The following ZNF133 variants were observed in gnomAD, a reference collection of about 807,000 sequenced individuals.
ZNF133 encodes the protein zinc finger protein 133.
A neutral mutation model predicts 54.9 loss-of-function variants in ZNF133; 26 were observed. That is an observed-to-expected ratio of 0.47 (90% CI 0.35 to 0.66). ZNF133 has a LOEUF of 0.66. ZNF133 is among the 30% of genes least tolerant of loss of function. The pLI is 0.01. For synonymous variants in ZNF133, 298 were observed against 320.3 expected (o/e 0.93, Z 0.74); for missense variants, 653 against 820.8 (o/e 0.80, Z 2.50).
At chr20:18,313,080 A>G (rs909422768) in intron 6 of ZNF133, 6 of 152,166 alleles carry the variant, frequency 3.9e-5, no homozygotes, top group Non-Finnish European at 5.9e-5. Context: ...ATTAGTCTCT[A>G]TAAACCTATC....
At chr20:18,289,250 C>A (rs1221562779) in intron 1 of ZNF133, among the ~76,000 whole-genome samples, 1 of 152,110 alleles carries the variant, frequency 6.6e-6, no homozygotes, top group Non-Finnish European at 1.5e-5. Context: ...CTGGCTGGGA[C>A]GCACAGGACA....
chr20:18,293,756 A>G (rs966672674), intron 1 of ZNF133, among the ~76,000 whole-genome samples: 1 of 152,222 alleles, frequency 6.6e-6, no homozygotes, highest in Admixed American at 6.5e-5. Flanking sequence ...AAAGGGGGAA[A>G]AAGCTGGAAT....
chr20:18,297,484 A>T (rs2042463683), intron 1 of ZNF133, among the ~76,000 whole-genome samples: 1 of 151,758 alleles, frequency 6.6e-6, no homozygotes, highest in Non-Finnish European at 1.5e-5. Flanking sequence ...TATTTAATGT[A>T]GCTTAATGTT....
chr20:18,295,817 A>C (rs1449897914), intron 1 of ZNF133, among the ~76,000 whole-genome samples: 3 of 152,060 alleles, frequency 2.0e-5, no homozygotes, highest in Non-Finnish European at 4.4e-5. Context: ...TGTATGCACC[A>C]AATCTGGCTA....
intron 6 of ZNF133, among the ~76,000 whole-genome samples, chr20:18,308,750 T>C (rs1188688189): frequency 6.6e-6 from 1 of 152,178 alleles, no homozygotes; most frequent in African/African-American, 2.4e-5. Context: ...TCAAACCAAG[T>C]GGTGTTAACT....
chr20:18,310,274 A>G (rs1850239065), intron 6 of ZNF133: 2 of 1,533,310 alleles, frequency 1.3e-6, no homozygotes, highest in African/African-American at 1.4e-5. Flanking sequence ...GGAAACCCAA[A>G]ATATATGTGT....
chr20:18,296,301 A>G (rs1167334746), intron 1 of ZNF133, among the ~76,000 whole-genome samples: 6 of 152,140 alleles, frequency 3.9e-5, no homozygotes, highest in Admixed American at 6.5e-5. Context: ...GGTGGTAAAT[A>G]TGCATAACAT....
chr20:18,306,234 T>C, intron 5 of ZNF133, 64 bp from the exon 6 acceptor site: 1 of 1,501,908 alleles, frequency 6.7e-7, no homozygotes, highest in Non-Finnish European at 9.1e-7. Flanking sequence ...CTGTTTAGCT[T>C]TGAATTCTTG....
At chr20:18,295,779 C>T (rs1462945113) in intron 1 of ZNF133, among the ~76,000 whole-genome samples, 1 of 152,156 alleles carries the variant, frequency 6.6e-6, no homozygotes, top group Non-Finnish European at 1.5e-5. Context: ...TCCTCAGCCT[C>T]CTGAGTAGCT....
rs1332744771 is a variant in ZNF133 at position 18,316,776 on chromosome 20, C to T, written c.1925C>T (p.Pro642Leu). 1.2e-6 allele frequency: 2 copies of T among 1,613,848 alleles called. No homozygotes were observed. Among genetic ancestry groups the T allele is most frequent in the African/African-American group, 1.3e-5 (1 of 75,054 alleles). ...CTGCCAGTGCAGCCCGACCCTGAGC[C>T]GTGTGCAGGGCAACCTTCGGATTCC... Reference protein sequence around the residue: ...HRLPVQPDPEPCAGQPSDSLY... With the variant: ...HRLPVQPDPELCAGQPSDSLY... The change falls in exon 7 of 7, where the codon CCG becomes CTG. Residue 642 changes from proline to leucine, a missense_variant. This residue lies in a region of ZNF133 where 129 missense variants were observed against 138.5 expected (regional missense o/e 0.93). Coordinates refer to ENST00000425686, the MANE Select transcript of ZNF133 (RefSeq NM_001352452.2).
intron 1 of ZNF133, among the ~76,000 whole-genome samples, chr20:18,291,766 GCAGT>G (rs1464711284): frequency 6.6e-6 from 1 of 150,808 alleles, no homozygotes; most frequent in African/African-American, 2.5e-5. Context: ...AGGCTGGAGT[GCAGT>G]GGCACAATCT....
At chr20:18,302,106 T>A (rs1022289777) in intron 3 of ZNF133, among the ~76,000 whole-genome samples, 3 of 151,960 alleles carry the variant, frequency 2.0e-5, no homozygotes, top group Non-Finnish European at 4.4e-5. Flanking sequence ...CATACAAAAA[T>A]AAATGGGTAT....
At chr20:18,308,825 C>A (rs2045242731) in intron 6 of ZNF133, among the ~76,000 whole-genome samples, 1 of 152,148 alleles carries the variant, frequency 6.6e-6, no homozygotes, top group South Asian at 2.1e-4. Context: ...TTGACTGAGG[C>A]AGATGAGTAG....
Position 18,316,016 on chromosome 20 carries a change from C to T in ZNF133, c.1165C>T (p.Arg389Ter), listed in dbSNP as rs752342040. 4.3e-6 allele frequency: 7 copies of T among 1,613,668 alleles called. No homozygotes were observed. The highest frequency in any genetic ancestry group is 5.9e-6 in the Non-Finnish European group (7 of 1,179,946). Residue 389 changes from arginine (R) to a stop codon, truncating the protein, a stop_gained, in exon 7 of 7, where the codon CGA becomes TGA. Coordinates refer to ENST00000425686, the MANE Select transcript of ZNF133 (RefSeq NM_001352452.2). LOFTEE classifies it high-confidence loss of function. The part of the protein sequence containing the change: ...EKPYACKECG[R>*]CFRQRTTLVN... ...GCCCTACGCCTGCAAGGAGTGTGGG[C>T]GATGCTTCAGGCAGAGGACCACCCT...
rs2147482143 is a variant in ZNF133 at position 18,306,413 on chromosome 20, A to G, written c.217+20A>G. 6.2e-7 allele frequency: 1 copy of G among 1,606,714 alleles called. No homozygotes were observed. Among genetic ancestry groups the G allele is most frequent in the Non-Finnish European group, 8.5e-7 (1 of 1,174,700 alleles). ...GTCCAGGTGAGTGGGAAAACACTGGACAAATGAGACATGAGCTCAGCAGCT... is the reference window on the plus strand; with the variant it reads ...GTCCAGGTGAGTGGGAAAACACTGGGCAAATGAGACATGAGCTCAGCAGCT... On this transcript the variant is annotated intron_variant, in intron 6 of 6. Transcript: ENST00000425686.
At chr20:18,296,416 A>G (rs1387378935) in intron 1 of ZNF133, among the ~76,000 whole-genome samples, 1 of 152,000 alleles carries the variant, frequency 6.6e-6, no homozygotes, top group African/African-American at 2.4e-5. Context: ...CATCTTCCCA[A>G]ACTGAAACTC....
At chr20:18,288,854 G>C (rs1358577460) in intron 1 of ZNF133, among the ~76,000 whole-genome samples, 1 of 152,196 alleles carries the variant, frequency 6.6e-6, no homozygotes, top group Non-Finnish European at 1.5e-5. Context: ...GTGATGAGTG[G>C]GGGATCGGGC....
In ZNF133 at chr20:18,316,839, TAA is replaced by T. The variant is rs1302334177; in HGVS notation, c.*24_*25del. 2 of 1,574,916 alleles carry T rather than the reference TAA, an allele frequency of 1.3e-6. No individual in the cohort carries two copies. The highest frequency in any genetic ancestry group is 2.2e-5 in the East Asian group (1 of 44,492). Reference sequence around the variant, plus strand: ...TGAAGGCAAAGATGGGGACAAGGACTAAGAGTCAGAATGTTGACACTTTGATG... The same window carrying T: ...TGAAGGCAAAGATGGGGACAAGGACTGAGTCAGAATGTTGACACTTTGATG... On this transcript the variant is annotated 3_prime_UTR_variant, in exon 7 of 7. Coordinates refer to ENST00000425686, the MANE Select transcript of ZNF133 (RefSeq NM_001352452.2).
intron 6 of ZNF133, chr20:18,314,524 G>A (rs2046963326): frequency 6.6e-6 from 1 of 152,264 alleles, no homozygotes; most frequent in Non-Finnish European, 1.5e-5. Context: ...ACAAATCTTT[G>A]TTGAGTGGGG....
Sources: allele counts gnomAD v4.1 joint callset (sites outside exome capture counted in the v4.1 genomes callset), GRCh38; gene constraint gnomAD v4.1.1; regional missense constraint gnomAD v4.1.1; transcripts MANE v1.5; gene names NCBI Gene and HGNC (gene_info 2026-07-23, HGNC 2026-07-21).